TMEM132D: variants seen among roughly 807,000 people sequenced by gnomAD.
TMEM132D encodes transmembrane protein 132D, also known as mature OL transmembrane protein.
TMEM132D carries 21 observed loss-of-function variants against 62.3 expected under a neutral mutation model. The observed-to-expected ratio is 0.34, with a 90% CI of 0.24 to 0.49. The LOEUF is 0.49. Among genes scored for constraint, TMEM132D ranks in the 20% least tolerant of loss-of-function variants. TMEM132D has a pLI of 0.99. For synonymous variants in TMEM132D, 621 were observed against 575.6 expected (o/e 1.08, Z -1.13); for missense variants, 1,346 against 1,402.8 (o/e 0.96, Z 0.65).
In TMEM132D at chr12:129,075,049, A is replaced by G. The variant is rs754235778; in HGVS notation, c.2126T>C (p.Ile709Thr). Reference sequence around the variant, plus strand: ...ATCACTGAACTGGACCCAGCAACTGATGGCTGCTTCCTATGGAGAAAAATA... The same window carrying G: ...ATCACTGAACTGGACCCAGCAACTGGTGGCTGCTTCCTATGGAGAAAAATA... ...LLQRPKQEAA[I>T]SCWVQFSDGS... The change falls in exon 9 of 9, where the codon ATC becomes ACC. Residue 709 changes from isoleucine (I) to threonine (T), a missense_variant. Coordinates refer to ENST00000422113, the MANE Select transcript of TMEM132D (RefSeq NM_133448.3). The G allele has an allele frequency of 3.7e-6, 6 of 1,604,460 alleles. No individual in the cohort carries two copies. The Admixed American group carries it at 8.4e-5, about 23-fold the overall frequency.
chr12:129,463,112 A>C (rs965561916), intron 3 of TMEM132D, among the ~76,000 whole-genome samples: 5 of 152,212 alleles, frequency 3.3e-5, no homozygotes, highest in Non-Finnish European at 5.9e-5. Context: ...ATTGTTCTGG[A>C]GAAGAGCGCT....
chr12:129,504,677 T>G (rs1425532254), intron 3 of TMEM132D, among the ~76,000 whole-genome samples: 1 of 152,222 alleles, frequency 6.6e-6, no homozygotes, highest in African/African-American at 2.4e-5. Context: ...ACCAGCTTTT[T>G]GTTTCATTTA....
chr12:129,764,214 T>A (rs73158901), intron 1 of TMEM132D, among the ~76,000 whole-genome samples: 3,449 of 152,328 alleles, frequency 0.023, 68 homozygotes, highest in Admixed American at 0.047. Flanking sequence ...TATTAATTTT[T>A]CTTTCTCTTG....
At chr12:129,481,847 C>T (rs770467166) in intron 3 of TMEM132D, among the ~76,000 whole-genome samples, 24 of 152,124 alleles carry the variant, frequency 1.6e-4, no homozygotes, top group Non-Finnish European at 2.6e-4. Flanking sequence ...CTATTCACAC[C>T]ATTAGGTAAC....
At chr12:129,381,573 T>A (rs11060296) in intron 3 of TMEM132D, among the ~76,000 whole-genome samples, 18,772 of 152,214 alleles carry the variant, frequency 0.12, 1,553 homozygotes, top group South Asian at 0.25. Flanking sequence ...ACAACCAGGT[T>A]GCGAGATTTT....
chr12:129,517,443 A>T (rs10773671), intron 3 of TMEM132D, among the ~76,000 whole-genome samples: 4 of 152,102 alleles, frequency 2.6e-5, no homozygotes, highest in Non-Finnish European at 5.9e-5. Flanking sequence ...GGGGTGAGTC[A>T]GAGGGTCTGA....
At chr12:129,489,681 C>A (rs1874702467) in intron 3 of TMEM132D, among the ~76,000 whole-genome samples, 1 of 152,130 alleles carries the variant, frequency 6.6e-6, no homozygotes, top group Admixed American at 6.5e-5. Context: ...TCTTTTAAAA[C>A]TTTTATTATT....
chr12:129,396,070 A>G (rs1373268693), intron 3 of TMEM132D, among the ~76,000 whole-genome samples: 1 of 149,482 alleles, frequency 6.7e-6, no homozygotes, highest in African/African-American at 2.4e-5. Context: ...TCTATATATT[A>G]TGTATCTATT....
At position 129,107,701 on chromosome 12, in the gene TMEM132D, T is replaced by C. The variant is rs922501375; in HGVS notation, c.1444-22999A>G. ...CAAGTTGTGAATGACACAGAGCAGT[T>C]TTTTTGAGACAGTCTCACTCTGTCA... On this transcript the variant is annotated intron_variant, in intron 5 of 8. Transcript: ENST00000422113. Among the ~76,000 whole-genome samples, 2 of 152,146 alleles carry C rather than the reference T, an allele frequency of 1.3e-5. 1 individual carries two copies. The highest frequency in any genetic ancestry group is 2.9e-5 in the Non-Finnish European group (2 of 68,030).
At chr12:129,769,265 C>G (rs1349182684) in intron 1 of TMEM132D, among the ~76,000 whole-genome samples, 2 of 152,156 alleles carry the variant, frequency 1.3e-5, no homozygotes, top group Non-Finnish European at 2.9e-5. Flanking sequence ...CTCACAGTTC[C>G]ACATGGCTGG....
At chr12:129,078,309 C>A (rs1874344073) in intron 8 of TMEM132D, among the ~76,000 whole-genome samples, 1 of 152,228 alleles carries the variant, frequency 6.6e-6, no homozygotes, top group African/African-American at 2.4e-5. Flanking sequence ...ATGTTGCAAT[C>A]CTTATGTATA....
intron 3 of TMEM132D, among the ~76,000 whole-genome samples, chr12:129,385,566 T>C (rs920066309): frequency 2.0e-5 from 3 of 152,226 alleles, no homozygotes; most frequent in Non-Finnish European, 2.9e-5. Flanking sequence ...ACTGGTTGAT[T>C]TGCAAGAGAA....
chr12:129,875,399 G>A (rs1874383471), intron 1 of TMEM132D, among the ~76,000 whole-genome samples: 1 of 152,194 alleles, frequency 6.6e-6, no homozygotes, highest in African/African-American at 2.4e-5. Context: ...TCAGAGTTCT[G>A]GAGGCTGGAA....
At chr12:129,766,419 T>C (rs527605668) in intron 1 of TMEM132D, among the ~76,000 whole-genome samples, 28 of 152,324 alleles carry the variant, frequency 1.8e-4, no homozygotes, top group African/African-American at 6.7e-4. Context: ...ATCTTCCTCA[T>C]TTCTTGCATA....
chr12:129,462,300 AAC>A (rs1873704307), intron 3 of TMEM132D, among the ~76,000 whole-genome samples: 1 of 152,198 alleles, frequency 6.6e-6, no homozygotes, highest in African/African-American at 2.4e-5. Context: ...CGCTCAGGGA[AAC>A]ACAGAGACAG....
At position 129,295,513 on chromosome 12, in the gene TMEM132D, C is replaced by A. The variant is rs555181467; in HGVS notation, c.1299+42121G>T. On this transcript the variant is annotated intron_variant, in intron 4 of 8. Coordinates refer to ENST00000422113, the MANE Select transcript of TMEM132D (RefSeq NM_133448.3). The stretch of plus-strand genomic sequence containing the variant: ...TGGCGTGATCTCGGCTCACTGCAAC[C>A]TCCACCTCCCGGGTTCAAGCGATTC... Among the ~76,000 whole-genome samples the A allele has an allele frequency of 1.3e-4, 19 of 150,314 alleles. 2 individuals carry two copies. Among genetic ancestry groups the A allele is most frequent in the African/African-American group, 4.6e-4 (19 of 40,976 alleles).
intron 1 of TMEM132D, among the ~76,000 whole-genome samples, chr12:129,846,794 T>G (rs1236879985): frequency 2.0e-5 from 3 of 152,230 alleles, no homozygotes; most frequent in African/African-American, 7.2e-5. Flanking sequence ...TCTAGAATTT[T>G]TATTTGATTC....
At chr12:129,556,458 G>C (rs1877060437) in intron 2 of TMEM132D, among the ~76,000 whole-genome samples, 1 of 151,390 alleles carries the variant, frequency 6.6e-6, no homozygotes, top group Admixed American at 6.6e-5. Flanking sequence ...CCTGGCAATG[G>C]GGTGGAGCTT....
At chr12:129,548,266 T>C (rs1223907920) in intron 2 of TMEM132D, among the ~76,000 whole-genome samples, 1 of 152,192 alleles carries the variant, frequency 6.6e-6, no homozygotes, top group Non-Finnish European at 1.5e-5. Context: ...CACTCGGTGC[T>C]GGAGGCAGTC....
Sources: gnomAD v4.1 joint callset for allele counts (sites outside exome capture counted in the v4.1 genomes callset) on GRCh38, gnomAD v4.1.1 for gene constraint, MANE v1.5 for transcripts, NCBI Gene and HGNC (gene_info 2026-07-23, HGNC 2026-07-21) for gene names.